TRIM33: variants seen among roughly 807,000 people sequenced by gnomAD.
TRIM33 encodes the protein tripartite motif containing 33.
In TRIM33, 20 loss-of-function variants were observed where a neutral mutation model predicts 125.4. The observed-to-expected ratio is 0.16, with a 90% CI of 0.11 to 0.23. The LOEUF (loss-of-function observed/expected upper bound fraction) is 0.23, where lower values mean the gene tolerates loss of function less well. TRIM33 is among the 10% of genes least tolerant of loss of function. TRIM33 has a pLI of 1.00. For synonymous variants in TRIM33, 564 were observed against 513.9 expected (o/e 1.10, Z -1.32); for missense variants, 920 against 1,411.4 (o/e 0.65, Z 5.58).
intron 1 of TRIM33, among the ~76,000 whole-genome samples, chr1:114,466,419 G>T (rs115999820): frequency 1.3e-5 from 2 of 152,146 alleles, no homozygotes; most frequent in Non-Finnish European, 2.9e-5. Context: ...CTTAAGAAAG[G>T]CCTATCTTCA....
At chr1:114,401,363 C>T (rs1651879763) in intron 17 of TRIM33, 26 bp downstream of exon 17, 1 of 1,600,272 alleles carries the variant, frequency 6.2e-7, no homozygotes. Flanking sequence ...GACTTCCCCA[C>T]CGAGCTACTA....
chr1:114,480,871 A>G (rs1055122742), intron 1 of TRIM33, among the ~76,000 whole-genome samples: 1 of 152,192 alleles, frequency 6.6e-6, no homozygotes, highest in African/African-American at 2.4e-5. Context: ...ATAAAGTAAA[A>G]GGAGAGGAGA....
rs1201784170 is a variant in TRIM33, at chr1:114,396,397, A to C, written c.*1251T>G. ...TCCTTTAAGCCCCCAGTCCATGCAA[A>C]TGTCCCACTTGGTGGACAGATGAGT... On this transcript the variant is annotated 3_prime_UTR_variant, in exon 20 of 20. Coordinates refer to ENST00000358465, the MANE Select transcript of TRIM33 (RefSeq NM_015906.4). 1.5e-5 allele frequency: 3 copies of C among 200,680 alleles called. No individual in the cohort carries two copies. The highest frequency in any genetic ancestry group is 6.9e-5 in the African/African-American group (3 of 43,460). The allele number at this position is 200,680 out of a possible 1,614,324, so 12.4% of individuals were successfully genotyped here. A position where few individuals can be genotyped will look rare whatever the true frequency, so the allele number is the denominator to read the frequency against.
chr1:114,398,898 C>CAAAAAAAAAAAAAAAAA (rs372853872), intron 18 of TRIM33, among the ~76,000 whole-genome samples: 2 of 60,784 alleles, frequency 3.3e-5, no homozygotes, highest in South Asian at 6.2e-4. Context: ...AACTTACCCT[C>CAAAAAAAAAAAAAAAAA]AAAAAAAAAA....
In TRIM33 at chr1:114,394,187, C is replaced by G. The variant is rs1651422052; in HGVS notation, c.*3461G>C. ...CGTGGATTTTTTATAAAACTACTCA[C>G]TGATCCGATGCTGAGTATGCAAATA... On this transcript the variant is annotated 3_prime_UTR_variant, in exon 20 of 20. Coordinates refer to ENST00000358465, the MANE Select transcript of TRIM33 (RefSeq NM_015906.4). 8.7e-6 allele frequency: 2 copies of G among 229,254 alleles called. No individual in the cohort carries two copies. Among genetic ancestry groups the G allele is most frequent in the Non-Finnish European group, 1.7e-5 (2 of 115,330 alleles). 14.2% of individuals were successfully genotyped at this position (229,254 alleles called of 1,614,324 possible).
intron 1 of TRIM33, among the ~76,000 whole-genome samples, chr1:114,479,655 A>G (rs1324399184): frequency 1.3e-5 from 2 of 152,256 alleles, no homozygotes; most frequent in Non-Finnish European, 2.9e-5. Flanking sequence ...AAACCAGACT[A>G]TATAAATGTA....
At chr1:114,486,164 T>C (rs951746954) in intron 1 of TRIM33, among the ~76,000 whole-genome samples, 14 of 151,958 alleles carry the variant, frequency 9.2e-5, no homozygotes, top group Non-Finnish European at 2.1e-4. Context: ...TAGTCCCAGC[T>C]ATTTGGTAGG....
intron 5 of TRIM33, among the ~76,000 whole-genome samples, 180 bp from the exon 6 acceptor site, chr1:114,431,092 T>C (rs1218606670): frequency 1.3e-5 from 2 of 152,238 alleles, no homozygotes; most frequent in East Asian, 1.9e-4. Context: ...GTTATGTACA[T>C]AGACAAATAA....
At chr1:114,415,161 A>G (rs1411523603) in intron 11 of TRIM33, among the ~76,000 whole-genome samples, 3 of 151,778 alleles carry the variant, frequency 2.0e-5, no homozygotes, top group African/African-American at 7.3e-5. Flanking sequence ...TGCCCGGCTC[A>G]TTTTTAATTG....
At chr1:114,510,329 T>C (rs920927360) in intron 1 of TRIM33, among the ~76,000 whole-genome samples, 8 of 151,768 alleles carry the variant, frequency 5.3e-5, no homozygotes, top group Admixed American at 2.0e-4. Context: ...CAGTGTCCCC[T>C]CCCCCAGCCT....
At chr1:114,427,352 A>G (rs1471619817) in intron 7 of TRIM33, 58 bp from the exon 8 acceptor site, 5 of 938,862 alleles carry the variant, frequency 5.3e-6, no homozygotes, top group Non-Finnish European at 8.4e-6. Flanking sequence ...GGGAAATCAT[A>G]AGATAAAGAC....
intron 1 of TRIM33, among the ~76,000 whole-genome samples, chr1:114,464,813 G>A (rs1650189918): frequency 6.6e-6 from 1 of 152,166 alleles, no homozygotes; most frequent in Admixed American, 6.5e-5. Context: ...ACAGAAGAGT[G>A]GAAGGCAATT....
chr1:114,454,276 T>C (rs1202293819), intron 4 of TRIM33, among the ~76,000 whole-genome samples: 1 of 152,126 alleles, frequency 6.6e-6, no homozygotes, highest in Admixed American at 6.6e-5. Flanking sequence ...CATGGTATGG[T>C]TGTATAACTG....
intron 1 of TRIM33, among the ~76,000 whole-genome samples, chr1:114,466,119 T>C (rs1650284455): frequency 6.6e-6 from 1 of 150,544 alleles, no homozygotes; most frequent in Admixed American, 6.6e-5. Context: ...AAGGGAGAAA[T>C]AGTAAAGTGA....
At chr1:114,499,946 A>C (rs1274687666) in intron 1 of TRIM33, among the ~76,000 whole-genome samples, 1 of 152,162 alleles carries the variant, frequency 6.6e-6, no homozygotes, top group Admixed American at 6.5e-5. Context: ...AGATCACTTG[A>C]GCTCAGAATC....
intron 2 of TRIM33, 109 bp from the exon 3 acceptor site, chr1:114,463,665 T>C: frequency 1.5e-6 from 1 of 671,738 alleles, no homozygotes; most frequent in Non-Finnish European, 2.5e-6. Context: ...CAGAATAAAA[T>C]TATTTTGTTA....
chr1:114,479,416 T>C (rs1278775525), intron 1 of TRIM33, among the ~76,000 whole-genome samples: 1 of 151,890 alleles, frequency 6.6e-6, no homozygotes, highest in Non-Finnish European at 1.5e-5. Flanking sequence ...AGGAAACCAA[T>C]CCATCAACAT....
chr1:114,463,244 A>G lies in TRIM33; in HGVS notation c.791-8T>C. ...CAGATGCTCCAACAGACTCTGTAGC[A>G]AAATAAAACAAATATTTTTTAACCA... is the stretch of plus-strand genomic sequence containing the variant. On this transcript the variant is annotated splice_region_variant and splice_polypyrimidine_tract_variant and intron_variant, in intron 3 of 19. Transcript: ENST00000358465. 6.3e-7 allele frequency: 1 copy of G among 1,578,506 alleles called. No individual in the cohort carries two copies. Among genetic ancestry groups the G allele is most frequent in the Non-Finnish European group, 8.6e-7 (1 of 1,168,476 alleles).
At chr1:114,451,934 G>A (rs948124859) in intron 4 of TRIM33, among the ~76,000 whole-genome samples, 1 of 152,124 alleles carries the variant, frequency 6.6e-6, no homozygotes, top group Admixed American at 6.5e-5. Flanking sequence ...GGATGATTAT[G>A]GAATGAAGCT....
Sources: allele counts gnomAD v4.1 joint callset (sites outside exome capture counted in the v4.1 genomes callset), GRCh38; gene constraint gnomAD v4.1.1; transcripts MANE v1.5; gene names NCBI Gene and HGNC (gene_info 2026-07-23, HGNC 2026-07-21).